The following TGFBR3 variants were observed in gnomAD, a reference collection of about 807,000 sequenced individuals.
TGFBR3 encodes transforming growth factor beta receptor type 3.
In TGFBR3, 46 loss-of-function variants were observed where a neutral mutation model predicts 87.9. That is an observed-to-expected ratio of 0.52 (90% confidence interval 0.41 to 0.67). The LOEUF (loss-of-function observed/expected upper bound fraction) is 0.67. Ranked by LOEUF, TGFBR3 falls within the 30% of genes least tolerant of loss-of-function variation. TGFBR3 has a pLI of 0.00. For missense variants in TGFBR3, 866 were observed against 1,041.9 expected (o/e 0.83, Z 2.32); for synonymous variants, 381 against 391.6 (o/e 0.97, Z 0.32).
chr1:91,708,976 T>C (rs1170091785), intron 13 of TGFBR3, among the ~76,000 whole-genome samples, 193 bp from the exon 14 acceptor site: 1 of 152,222 alleles, frequency 6.6e-6, no homozygotes, highest in African/African-American at 2.4e-5. Flanking sequence ...CAGTGGATTT[T>C]TGGTTGTACC....
At chr1:91,709,817 A>G (rs1417320506) in intron 13 of TGFBR3, among the ~76,000 whole-genome samples, 5 of 152,162 alleles carry the variant, frequency 3.3e-5, no homozygotes, top group Non-Finnish European at 5.9e-5. Flanking sequence ...GCTGGAGTAC[A>G]GTGGTACAAT....
At chr1:91,901,524 C>G (rs1679719073) in intron 1 of TGFBR3, among the ~76,000 whole-genome samples, 1 of 152,124 alleles carries the variant, frequency 6.6e-6, no homozygotes, top group African/African-American at 2.4e-5. Flanking sequence ...TGTACATTCT[C>G]ATATTACAAA....
At chr1:91,786,211 T>C (rs1262258476) in intron 3 of TGFBR3, 3 of 456,138 alleles carry the variant, frequency 6.6e-6, no homozygotes, top group Admixed American at 4.7e-5. Context: ...TTCTTAATAG[T>C]GATTCATTGA....
intron 3 of TGFBR3, among the ~76,000 whole-genome samples, chr1:91,788,299 G>T (rs879268519): frequency 3.9e-5 from 6 of 152,148 alleles, no homozygotes; most frequent in Non-Finnish European, 8.8e-5. Context: ...TGTTCAAAGG[G>T]GCATCATCAG....
At chr1:91,854,141 A>C (rs1012825240) in intron 2 of TGFBR3, among the ~76,000 whole-genome samples, 1 of 152,180 alleles carries the variant, frequency 6.6e-6, no homozygotes, top group Non-Finnish European at 1.5e-5. Context: ...AGGAGGAATA[A>C]GTTCAAGAGA....
At chr1:91,699,551 A>G (rs542268053) in intron 14 of TGFBR3, among the ~76,000 whole-genome samples, 3 of 147,520 alleles carry the variant, frequency 2.0e-5, no homozygotes, top group African/African-American at 7.5e-5. Context: ...GTGAAGGATG[A>G]TTAAAATGTT....
rs982343919 is a variant in TGFBR3, at chr1:91,873,685, G to A, written c.-113-12041C>T. Among the ~76,000 whole-genome samples the A allele has an allele frequency of 4.6e-5, 7 of 152,098 alleles. 1 individual carries two copies. The highest frequency in any genetic ancestry group is 1.9e-4 in the East Asian group (1 of 5,192). On this transcript the variant is annotated intron_variant, in intron 1 of 16. Coordinates refer to ENST00000212355, the MANE Select transcript of TGFBR3 (RefSeq NM_003243.5). ...AAATGGGCTGAGCGCTGTGGCTAAC[G>A]CCTGTAATCCCAGCACTTTGGGAGG... is the stretch of plus-strand genomic sequence containing the variant.
chr1:91,738,902 A>G (rs1673052948), intron 4 of TGFBR3, among the ~76,000 whole-genome samples: 1 of 152,226 alleles, frequency 6.6e-6, no homozygotes, highest in East Asian at 1.9e-4. Context: ...GAGGAGCACA[A>G]TAAGGTCACT....
rs1216846444 is a variant in TGFBR3, at chr1:91,734,768, A to C, written c.568+8T>G. The C allele has an allele frequency of 2.5e-6, 4 of 1,614,144 alleles. No individual in the cohort carries two copies. Among genetic ancestry groups the C allele is most frequent in the Non-Finnish European group, 3.4e-6 (4 of 1,179,962 alleles). On this transcript the variant is annotated splice_region_variant and intron_variant, in intron 5 of 16. Coordinates refer to ENST00000212355, the MANE Select transcript of TGFBR3 (RefSeq NM_003243.5). ...ATCAGTCATTAACTGAAGCCACATAAAATTTACCTTCCCCCACTTTAATAT... is the reference window on the plus strand; with the variant it reads ...ATCAGTCATTAACTGAAGCCACATACAATTTACCTTCCCCCACTTTAATAT...
intron 2 of TGFBR3, among the ~76,000 whole-genome samples, chr1:91,806,063 T>A (rs1029324065): frequency 6.6e-6 from 1 of 152,182 alleles, no homozygotes; most frequent in African/African-American, 2.4e-5. Context: ...ACTGCTCGGT[T>A]CACACGTATC....
At chr1:91,690,959 T>TA (rs1417620237) in intron 16 of TGFBR3, among the ~76,000 whole-genome samples, 1 of 152,080 alleles carries the variant, frequency 6.6e-6, no homozygotes, top group African/African-American at 2.4e-5. Flanking sequence ...TCTCAGATGA[T>TA]ACTGCACCCA....
intron 1 of TGFBR3, among the ~76,000 whole-genome samples, chr1:91,902,594 AT>A (rs953787688): frequency 8.9e-5 from 13 of 146,474 alleles, no homozygotes; most frequent in South Asian, 4.4e-4. Flanking sequence ...AGTGCAGTTT[AT>A]TTTTTTTTTC....
intron 3 of TGFBR3, among the ~76,000 whole-genome samples, chr1:91,782,175 C>T (rs1284300841): frequency 1.3e-5 from 2 of 152,036 alleles, no homozygotes; most frequent in African/African-American, 2.4e-5. Flanking sequence ...AGGAAGAACT[C>T]GCAGCAAGGA....
intron 2 of TGFBR3, among the ~76,000 whole-genome samples, chr1:91,800,534 G>C (rs1041933736): frequency 1.5e-4 from 22 of 151,190 alleles, no homozygotes; most frequent in African/African-American, 5.1e-4. Context: ...AAAATACAGA[G>C]ACTTACTTGG....
intron 5 of TGFBR3, among the ~76,000 whole-genome samples, chr1:91,733,052 A>AT (rs1356009228): frequency 2.0e-5 from 3 of 152,156 alleles, no homozygotes; most frequent in Non-Finnish European, 4.4e-5. Context: ...GAAATTTTTC[A>AT]TTTTGTCTCA....
intron 2 of TGFBR3, among the ~76,000 whole-genome samples, chr1:91,807,015 C>T (rs768812163): frequency 6.6e-6 from 1 of 152,134 alleles, no homozygotes; most frequent in Non-Finnish European, 1.5e-5. Context: ...GGATATGACG[C>T]AAAAACAAAG....
intron 13 of TGFBR3, among the ~76,000 whole-genome samples, chr1:91,709,816 C>G (rs1671920213): frequency 6.6e-6 from 1 of 152,106 alleles, no homozygotes; most frequent in Non-Finnish European, 1.5e-5. Flanking sequence ...GGCTGGAGTA[C>G]AGTGGTACAA....
chr1:91,731,946 G>A (rs1307606932), intron 5 of TGFBR3, among the ~76,000 whole-genome samples: 2 of 152,174 alleles, frequency 1.3e-5, no homozygotes, highest in African/African-American at 4.8e-5. Context: ...GTTGTGTGTG[G>A]TTTCTCCCCC....
At chr1:91,750,937 T>C (rs1673518923) in intron 4 of TGFBR3, among the ~76,000 whole-genome samples, 1 of 152,210 alleles carries the variant, frequency 6.6e-6, no homozygotes, top group Non-Finnish European at 1.5e-5. Flanking sequence ...CACTATTATT[T>C]AGCGTAATAG....
Sources: allele counts gnomAD v4.1 joint callset (sites outside exome capture counted in the v4.1 genomes callset), GRCh38; gene constraint gnomAD v4.1.1; transcripts MANE v1.5; gene names NCBI Gene and HGNC (gene_info 2026-07-23, HGNC 2026-07-21).